The following TENM4 variants were observed in gnomAD, a reference collection of about 807,000 sequenced individuals.
The protein encoded by TENM4 is teneurin-4.
A neutral mutation model predicts 243.3 loss-of-function variants in TENM4; 82 were observed. The ratio of observed to expected loss-of-function variants is 0.34; its 90% CI spans 0.28 to 0.40. The LOEUF is 0.40. Among genes scored for constraint, TENM4 ranks in the 10% least tolerant of loss-of-function variants. The pLI is 1.00. For missense variants in TENM4, 3,138 were observed against 3,673.3 expected, an observed-to-expected ratio of 0.85 and a Z score of 3.77; for synonymous variants, 1,412 against 1,456.3, an observed-to-expected ratio of 0.97 and a Z score of 0.69.
intron 6 of TENM4, among the ~76,000 whole-genome samples, chr11:79,043,379 T>G (rs983148083): frequency 6.6e-6 from 1 of 152,138 alleles, no homozygotes; most frequent in Non-Finnish European, 1.5e-5. Context: ...TATGAGTAAT[T>G]CAGGCCTATG....
At chr11:79,027,011 A>G (rs12269964) in intron 6 of TENM4, among the ~76,000 whole-genome samples, 4,244 of 152,226 alleles carry the variant, frequency 0.028, 199 homozygotes, top group African/African-American at 0.097. Context: ...GGGTGTTCTA[A>G]TACTTCCTAC....
At chr11:78,752,085 A>G (rs535857590) in intron 19 of TENM4, among the ~76,000 whole-genome samples, 1 of 152,286 alleles carries the variant, frequency 6.6e-6, no homozygotes, top group South Asian at 2.1e-4. Flanking sequence ...GTCACTCTCC[A>G]TCACAGCTCT....
intron 2 of TENM4, among the ~76,000 whole-genome samples, chr11:79,267,343 G>A (rs1855899557): frequency 6.6e-6 from 1 of 152,152 alleles, no homozygotes; most frequent in African/African-American, 2.4e-5. Flanking sequence ...TTCTGTGGAG[G>A]CCATTTACCC....
intron 28 of TENM4, among the ~76,000 whole-genome samples, chr11:78,698,625 A>G (rs1411488285): frequency 6.6e-6 from 1 of 152,216 alleles, no homozygotes; most frequent in Non-Finnish European, 1.5e-5. Flanking sequence ...GAAACACCAT[A>G]ATGAAATATC....
intron 12 of TENM4, among the ~76,000 whole-genome samples, chr11:78,823,710 C>T (rs928735709): frequency 1.3e-5 from 2 of 152,068 alleles, no homozygotes; most frequent in African/African-American, 4.8e-5. Flanking sequence ...AGAAGCTTCT[C>T]GGTGCCTATT....
intron 3 of TENM4, among the ~76,000 whole-genome samples, chr11:79,191,134 T>G (rs1308720032): frequency 1.9e-5 from 1 of 52,060 alleles, no homozygotes; most frequent in African/African-American, 8.9e-5. Context: ...CCCTCTCCCG[T>G]CTCCCTCTCC....
intron 2 of TENM4, among the ~76,000 whole-genome samples, chr11:79,245,637 A>AGAT (rs1209451229): frequency 6.6e-6 from 1 of 152,170 alleles, no homozygotes. Flanking sequence ...AAAGAAAGGA[A>AGAT]GATAGAAAAA....
At chr11:79,187,940 C>A (rs1160842690) in intron 3 of TENM4, among the ~76,000 whole-genome samples, 1 of 152,210 alleles carries the variant, frequency 6.6e-6, no homozygotes, top group African/African-American at 2.4e-5. Flanking sequence ...CCAGTCTGTG[C>A]TACTTTGTTA....
At chr11:78,774,886 T>C (rs114278362) in intron 17 of TENM4, among the ~76,000 whole-genome samples, 1,729 of 152,316 alleles carry the variant, frequency 0.011, 27 homozygotes, top group African/African-American at 0.039. Flanking sequence ...AGATGAGATA[T>C]ATCATCTGCC....
At chr11:79,210,601 A>G (rs1863937793) in intron 3 of TENM4, among the ~76,000 whole-genome samples, 1 of 152,186 alleles carries the variant, frequency 6.6e-6, no homozygotes. Flanking sequence ...CTGCAGTTTG[A>G]ATCCCAGCTC....
chr11:79,384,074 C>T (rs1858060336), intron 1 of TENM4, among the ~76,000 whole-genome samples: 1 of 152,104 alleles, frequency 6.6e-6, no homozygotes, highest in Non-Finnish European at 1.5e-5. Flanking sequence ...GCCAGCCAGA[C>T]AGACAGGCAC....
At chr11:79,265,859 G>C (rs926564229) in intron 2 of TENM4, among the ~76,000 whole-genome samples, 2 of 152,096 alleles carry the variant, frequency 1.3e-5, no homozygotes, top group African/African-American at 4.8e-5. Flanking sequence ...TCTACCCAGG[G>C]TATTTTCTTG....
intron 7 of TENM4, 64 bp from the exon 8 acceptor site, chr11:78,891,400 G>A: frequency 7.0e-7 from 1 of 1,430,870 alleles, no homozygotes; most frequent in Non-Finnish European, 9.6e-7. Flanking sequence ...GGCTAGTAGA[G>A]AAACACACAA....
chr11:78,885,124 C>T (rs6592810), intron 9 of TENM4, among the ~76,000 whole-genome samples: 95,936 of 152,084 alleles, frequency 0.63, 31,890 homozygotes, highest in East Asian at 0.77. Context: ...TGCTTAACAA[C>T]TGGCAGTACA....
intron 6 of TENM4, among the ~76,000 whole-genome samples, chr11:79,038,592 G>A (rs1221985750): frequency 6.6e-6 from 1 of 152,154 alleles, no homozygotes; most frequent in African/African-American, 2.4e-5. Flanking sequence ...AAGGGAGGCT[G>A]AGCAACACAC....
At chr11:78,891,455 G>C in intron 7 of TENM4, 119 bp from the exon 8 acceptor site, 1 of 876,310 alleles carries the variant, frequency 1.1e-6, no homozygotes, top group Non-Finnish European at 1.8e-6. Flanking sequence ...AGCGGGACAC[G>C]GTTTCCAGGC....
chr11:79,166,315 T>C (rs1478239952), intron 3 of TENM4, among the ~76,000 whole-genome samples: 1 of 152,240 alleles, frequency 6.6e-6, no homozygotes, highest in African/African-American at 2.4e-5. Flanking sequence ...TTTCTGGAAA[T>C]GCCAAGGGCA....
intron 2 of TENM4, among the ~76,000 whole-genome samples, chr11:79,284,698 A>G (rs1046348133): frequency 6.6e-6 from 1 of 152,226 alleles, no homozygotes; most frequent in Non-Finnish European, 1.5e-5. Flanking sequence ...ATGTAGATAC[A>G]TTGGACTCTT....
intron 9 of TENM4, among the ~76,000 whole-genome samples, chr11:78,872,741 C>T (rs1859166490): frequency 6.6e-6 from 1 of 152,190 alleles, no homozygotes; most frequent in South Asian, 2.1e-4. Context: ...TGCTCCATTT[C>T]CATAGCTACA....
Sources: allele counts gnomAD v4.1 joint callset (sites outside exome capture counted in the v4.1 genomes callset), GRCh38; gene constraint gnomAD v4.1.1; transcripts MANE v1.5; gene names NCBI Gene and HGNC (gene_info 2026-07-23, HGNC 2026-07-21).